Variants in PTPRD observed in about 807,000 individuals in gnomAD.
PTPRD encodes receptor-type tyrosine-protein phosphatase delta.
PTPRD carries 34 observed loss-of-function variants against 214.5 expected under a neutral mutation model. The observed-to-expected ratio is 0.16, with a 90% CI of 0.12 to 0.21. PTPRD has a LOEUF of 0.21. PTPRD is among the 10% of genes least tolerant of loss of function. The probability of loss-of-function intolerance (pLI) is 1.00; values close to 1 mark genes in which losing one functional copy is unlikely to be tolerated. For missense variants in PTPRD, 2,545 were observed against 2,398.7 expected (o/e 1.06, Z -1.27); for synonymous variants, 1,128 against 845.7 (o/e 1.33, Z -5.79).
At chr9:9,131,702 T>C (rs1263647889) in intron 10 of PTPRD, among the ~76,000 whole-genome samples, 1 of 152,194 alleles carries the variant, frequency 6.6e-6, no homozygotes, top group African/African-American at 2.4e-5. Context: ...AGTTTCTCTG[T>C]ATAAAAAATC....
chr9:9,800,875 A>C (rs2099035172), intron 5 of PTPRD, among the ~76,000 whole-genome samples: 1 of 152,170 alleles, frequency 6.6e-6, no homozygotes, highest in Non-Finnish European at 1.5e-5. Context: ...AAATTTAATA[A>C]ACATTTCTTA....
At chr9:10,268,818 A>G (rs2094250558) in intron 3 of PTPRD, among the ~76,000 whole-genome samples, 1 of 152,228 alleles carries the variant, frequency 6.6e-6, no homozygotes, top group Non-Finnish European at 1.5e-5. Flanking sequence ...ACAAACTTAA[A>G]CTGGCCTTTA....
At chr9:10,346,738 T>C (rs927811398) in intron 2 of PTPRD, among the ~76,000 whole-genome samples, 1 of 152,172 alleles carries the variant, frequency 6.6e-6, no homozygotes, top group Non-Finnish European at 1.5e-5. Flanking sequence ...CTTGTTTTCC[T>C]GTACTTGTGT....
chr9:8,831,035 G>T (rs761614695), intron 11 of PTPRD, among the ~76,000 whole-genome samples: 3 of 152,150 alleles, frequency 2.0e-5, no homozygotes, highest in Non-Finnish European at 1.5e-5. Context: ...CTTCACCTAA[G>T]ATAGGCACTT....
chr9:9,206,269 T>C (rs558757038), intron 9 of PTPRD, among the ~76,000 whole-genome samples: 9 of 152,188 alleles, frequency 5.9e-5, no homozygotes, highest in African/African-American at 1.9e-4. Flanking sequence ...TACAGCTTTA[T>C]AGACCATTCA....
intron 3 of PTPRD, among the ~76,000 whole-genome samples, chr9:10,213,841 T>C (rs572772037): frequency 2.0e-5 from 3 of 152,114 alleles, no homozygotes; most frequent in Non-Finnish European, 2.9e-5. Context: ...CTTAGTTTTC[T>C]TATTCATTTA....
chr9:10,462,189 T>C (rs1313352538), intron 2 of PTPRD, among the ~76,000 whole-genome samples: 2 of 152,134 alleles, frequency 1.3e-5, no homozygotes, highest in African/African-American at 2.4e-5. Flanking sequence ...TAAGTAAATA[T>C]GTGAGCTGAC....
intron 2 of PTPRD, among the ~76,000 whole-genome samples, chr9:10,546,519 T>A (rs1458511584): frequency 6.6e-6 from 1 of 151,914 alleles, no homozygotes; most frequent in Non-Finnish European, 1.5e-5. Context: ...TTACATATTT[T>A]CACCTAGGAA....
chr9:9,475,493 C>G (rs981247937), intron 8 of PTPRD, among the ~76,000 whole-genome samples: 2 of 152,144 alleles, frequency 1.3e-5, no homozygotes, highest in African/African-American at 4.8e-5. Flanking sequence ...TTTATCAGCT[C>G]ATAAATCCAT....
chr9:9,975,577 C>G (rs533354040), intron 4 of PTPRD, among the ~76,000 whole-genome samples: 4 of 152,234 alleles, frequency 2.6e-5, no homozygotes, highest in Admixed American at 2.6e-4. Context: ...AAACAGAGTA[C>G]GTATTTTAAC....
In PTPRD at chr9:10,550,980, C is replaced by T. The variant is rs16926102; in HGVS notation, c.-600+61418G>A. On this transcript the variant is annotated intron_variant, in intron 2 of 45. Coordinates refer to ENST00000381196, the MANE Select transcript of PTPRD (RefSeq NM_002839.4). ...TACACACATTTCTAAACTTGCCCTT[C>T]ATAACCAAAACCAGGTCTCCCTTAA... Among the ~76,000 whole-genome samples the T allele has an allele frequency of 3.3e-3, 506 of 152,304 alleles. 5 individuals are homozygous for T. The highest frequency in any genetic ancestry group is 0.013 in the Admixed American group (196 of 15,298).
chr9:10,268,547 C>A (rs913403975), intron 3 of PTPRD, among the ~76,000 whole-genome samples: 7 of 152,128 alleles, frequency 4.6e-5, no homozygotes, highest in Non-Finnish European at 7.3e-5. Context: ...CCTTCTGACA[C>A]TCTTCCTTTC....
chr9:9,210,044 G>C (rs1554985359), intron 9 of PTPRD, among the ~76,000 whole-genome samples: 1 of 152,064 alleles, frequency 6.6e-6, no homozygotes, highest in Admixed American at 6.6e-5. Context: ...TTTATAATGA[G>C]CCTTTCCAAC....
intron 3 of PTPRD, among the ~76,000 whole-genome samples, chr9:10,299,362 A>C (rs1372493032): frequency 6.6e-6 from 1 of 152,174 alleles, no homozygotes; most frequent in Non-Finnish European, 1.5e-5. Context: ...AATATGACAA[A>C]GAACTTCCCT....
chr9:9,846,949 A>G (rs889746921), intron 5 of PTPRD, among the ~76,000 whole-genome samples: 1 of 152,136 alleles, frequency 6.6e-6, no homozygotes, highest in African/African-American at 2.4e-5. Flanking sequence ...TGATGTGTAA[A>G]ACTAGCAGGG....
chr9:9,076,712 G>A (rs1203474976), intron 10 of PTPRD, among the ~76,000 whole-genome samples: 1 of 151,338 alleles, frequency 6.6e-6, no homozygotes, highest in East Asian at 1.9e-4. Flanking sequence ...TGGACATTAG[G>A]TTGCCTCAAA....
chr9:9,448,300 G>A (rs535637422), intron 8 of PTPRD, among the ~76,000 whole-genome samples: 32 of 152,152 alleles, frequency 2.1e-4, no homozygotes, highest in African/African-American at 7.2e-4. Flanking sequence ...GTCCCCACAC[G>A]AGGAGGGAGG....
intron 2 of PTPRD, among the ~76,000 whole-genome samples, chr9:10,485,072 C>A (rs994458880): frequency 6.6e-6 from 1 of 151,804 alleles, no homozygotes; most frequent in Non-Finnish European, 1.5e-5. Flanking sequence ...TAGTTTCATT[C>A]TTCTGCATAT....
chr9:8,774,826 G>A (rs146619051), intron 11 of PTPRD, among the ~76,000 whole-genome samples: 3,118 of 152,132 alleles, frequency 0.02, 100 homozygotes, highest in African/African-American at 0.07. Flanking sequence ...GAGCCACTGC[G>A]CCCAGCCATG....
Sources: allele counts gnomAD v4.1 joint callset (sites outside exome capture counted in the v4.1 genomes callset), GRCh38; gene constraint gnomAD v4.1.1; transcripts MANE v1.5; gene names NCBI Gene and HGNC (gene_info 2026-07-23, HGNC 2026-07-21).